CCDC102B: variants seen among roughly 807,000 people sequenced by gnomAD.
CCDC102B encodes coiled-coil domain-containing protein 102B.
In CCDC102B, 75 loss-of-function variants were observed where a neutral mutation model predicts 57.4. The observed-to-expected ratio is 1.31, with a 90% CI of 1.08 to 1.58. The LOEUF is 1.58. CCDC102B is among the 40% of genes most tolerant of loss of function. The pLI is 0.00. For synonymous variants in CCDC102B, 206 were observed against 201.9 expected (o/e 1.02, Z -0.17); for missense variants, 636 against 582.6 (o/e 1.09, Z -0.94).
At chr18:68,788,003 C>A (rs369415143) in intron 2 of CCDC102B, among the ~76,000 whole-genome samples, 7 of 150,668 alleles carry the variant, frequency 4.6e-5, no homozygotes, top group African/African-American at 1.7e-4. Context: ...GCTTTGAATG[C>A]GTCCCAGAGA....
intron 6 of CCDC102B, among the ~76,000 whole-genome samples, chr18:68,916,942 T>C (rs142977306): frequency 6.6e-6 from 1 of 152,092 alleles, no homozygotes; most frequent in Non-Finnish European, 1.5e-5. Flanking sequence ...CAAATGCCAA[T>C]GTGACTAGAG....
chr18:68,947,499 T>C (rs1452041757), intron 6 of CCDC102B, among the ~76,000 whole-genome samples: 1 of 152,062 alleles, frequency 6.6e-6, no homozygotes, highest in Non-Finnish European at 1.5e-5. Flanking sequence ...TTCTTTAGTT[T>C]GTAATGGATT....
At chr18:69,008,498 A>G (rs961291158) in intron 6 of CCDC102B, among the ~76,000 whole-genome samples, 3 of 152,190 alleles carry the variant, frequency 2.0e-5, no homozygotes, top group Admixed American at 6.5e-5. Context: ...TTTGACTCCT[A>G]TGGAATGAAG....
chr18:68,980,218 C>T (rs1363360429), intron 6 of CCDC102B, among the ~76,000 whole-genome samples: 1 of 151,012 alleles, frequency 6.6e-6, no homozygotes, highest in Non-Finnish European at 1.5e-5. Flanking sequence ...CTTAGTGGTC[C>T]AAGATAGAAC....
At chr18:68,896,921 AT>A (rs1049560564) in intron 5 of CCDC102B, among the ~76,000 whole-genome samples, 1 of 152,020 alleles carries the variant, frequency 6.6e-6, no homozygotes, top group African/African-American at 2.4e-5. Flanking sequence ...GAGAGTGGAG[AT>A]TAATGTTCCC....
At chr18:69,034,733 C>A (rs1444917683) in intron 7 of CCDC102B, among the ~76,000 whole-genome samples, 2 of 151,222 alleles carry the variant, frequency 1.3e-5, no homozygotes, top group Non-Finnish European at 3.0e-5. Flanking sequence ...TATAAAGACA[C>A]CCCACTGTGG....
At chr18:68,983,888 G>GA (rs1458317798) in intron 6 of CCDC102B, among the ~76,000 whole-genome samples, 2 of 151,618 alleles carry the variant, frequency 1.3e-5, no homozygotes, top group Non-Finnish European at 2.9e-5. Flanking sequence ...TTAAAGGAGT[G>GA]AAAAAATGAT....
intron 6 of CCDC102B, among the ~76,000 whole-genome samples, chr18:69,005,491 C>T (rs1467138092): frequency 1.3e-5 from 2 of 151,862 alleles, no homozygotes; most frequent in African/African-American, 4.8e-5. Context: ...TTTAAATTTC[C>T]TGTATGATGC....
chr18:68,895,609 A>G (rs2040215674), intron 5 of CCDC102B, among the ~76,000 whole-genome samples: 1 of 151,796 alleles, frequency 6.6e-6, no homozygotes, highest in African/African-American at 2.4e-5. Context: ...TATTTTTAAA[A>G]TGCCTCATAC....
chr18:68,881,140 T>A (rs1568308524), intron 5 of CCDC102B, among the ~76,000 whole-genome samples: 1 of 152,188 alleles, frequency 6.6e-6, no homozygotes, highest in Non-Finnish European at 1.5e-5. Context: ...GTGGAAGATG[T>A]CATTTGGAGG....
intron 6 of CCDC102B, among the ~76,000 whole-genome samples, chr18:68,942,014 C>T (rs1020581558): frequency 6.6e-6 from 1 of 151,804 alleles, no homozygotes; most frequent in African/African-American, 2.4e-5. Flanking sequence ...CTCGTCAACT[C>T]GTACTGAAAA....
intron 5 of CCDC102B, among the ~76,000 whole-genome samples, chr18:68,878,567 G>A (rs962774212): frequency 6.6e-6 from 1 of 152,106 alleles, no homozygotes. Flanking sequence ...CCTTAAAAAA[G>A]AGACCCCAGA....
intron 2 of CCDC102B, among the ~76,000 whole-genome samples, chr18:68,737,477 C>T (rs952828656): frequency 1.3e-5 from 2 of 149,394 alleles, no homozygotes; most frequent in Non-Finnish European, 3.0e-5. Flanking sequence ...GTGGTAGTGG[C>T]AGTGGTGTGT....
chr18:68,798,635 C>T (rs2035722812), intron 1 of CCDC102B, among the ~76,000 whole-genome samples: 1 of 152,026 alleles, frequency 6.6e-6, no homozygotes, highest in East Asian at 1.9e-4. Flanking sequence ...GAATTCTTTT[C>T]AATTGTTGAG....
At chr18:68,930,963 T>A (rs2041653504) in intron 6 of CCDC102B, among the ~76,000 whole-genome samples, 1 of 151,908 alleles carries the variant, frequency 6.6e-6, no homozygotes, top group Non-Finnish European at 1.5e-5. Context: ...AAGTCTACTT[T>A]ATTTTAACTG....
chr18:68,890,103 C>G (rs2040022508), intron 5 of CCDC102B, among the ~76,000 whole-genome samples: 1 of 152,084 alleles, frequency 6.6e-6, no homozygotes, highest in Non-Finnish European at 1.5e-5. Flanking sequence ...GAACCAGTCA[C>G]ATTTATATTG....
intron 1 of CCDC102B, among the ~76,000 whole-genome samples, chr18:68,819,370 G>A (rs2036610298): frequency 6.6e-6 from 1 of 151,968 alleles, no homozygotes; most frequent in African/African-American, 2.4e-5. Context: ...ATACTGAAGT[G>A]TCATAAATTA....
chr18:69,012,534 T>C (rs2051546950), intron 7 of CCDC102B, among the ~76,000 whole-genome samples: 1 of 152,296 alleles, frequency 6.6e-6, no homozygotes, highest in African/African-American at 2.4e-5. Context: ...GGTTTGGTCA[T>C]GTGATATTTG....
chr18:69,051,886 G>C (rs1006950145), intron 7 of CCDC102B, among the ~76,000 whole-genome samples: 17 of 151,558 alleles, frequency 1.1e-4, no homozygotes, highest in African/African-American at 4.1e-4. Flanking sequence ...ATTAACTCCT[G>C]CTTGATCAAG....
Sources: allele counts gnomAD v4.1 joint callset (sites outside exome capture counted in the v4.1 genomes callset), GRCh38; gene constraint gnomAD v4.1.1; transcripts MANE v1.5; gene names NCBI Gene and HGNC (gene_info 2026-07-23, HGNC 2026-07-21).